Variants in ATM observed in about 807,000 individuals in gnomAD.
ATM encodes the protein serine-protein kinase ATM.
A neutral mutation model predicts 387.0 loss-of-function variants in ATM; 308 were observed. The ratio of observed to expected loss-of-function variants is 0.80; its 90% CI spans 0.73 to 0.87. ATM has a LOEUF of 0.87. Ranked by LOEUF, ATM falls within the 40% of genes least tolerant of loss-of-function variation. The pLI is 0.00. For synonymous variants in ATM, 1,156 were observed against 1,187.3 expected (o/e 0.97, Z 0.54); for missense variants, 3,312 against 3,560.9 (o/e 0.93, Z 1.78).
chr11:108,250,461 A>G (rs1159099875), intron 9 of ATM, among the ~76,000 whole-genome samples: 1 of 152,096 alleles, frequency 6.6e-6, no homozygotes, highest in African/African-American at 2.4e-5. Context: ...AATATCCTTT[A>G]AAATATTTGT....
At chr11:108,294,713 C>T (rs933500472) in intron 31 of ATM, among the ~76,000 whole-genome samples, 1 of 152,170 alleles carries the variant, frequency 6.6e-6, no homozygotes, top group African/African-American at 2.4e-5. Flanking sequence ...GCACTCTAGC[C>T]TTGGTGACAG....
At chr11:108,243,929 T>C in intron 5 of ATM, 24 bp from the exon 6 acceptor site, 2 of 1,501,144 alleles carry the variant, frequency 1.3e-6, no homozygotes, top group Non-Finnish European at 9.0e-7. Flanking sequence ...AAATCATGAC[T>C]AATAATTTTT....
chr11:108,323,839 T>C (rs1253188522), intron 45 of ATM, among the ~76,000 whole-genome samples: 1 of 152,202 alleles, frequency 6.6e-6, no homozygotes, highest in Non-Finnish European at 1.5e-5. Context: ...TCCATTCATA[T>C]ACATCAACCA....
At chr11:108,362,618 C>T (rs1306392039) in intron 61 of ATM, among the ~76,000 whole-genome samples, 1 of 149,072 alleles carries the variant, frequency 6.7e-6, no homozygotes, top group Non-Finnish European at 1.5e-5. Context: ...ACTATGCAGC[C>T]ATAAAAAATG....
At chr11:108,317,638 TATATATATATATATAC>T (rs1221133449) in intron 43 of ATM, 117 bp downstream of exon 43, 6 of 176,178 alleles carry the variant, frequency 3.4e-5, no homozygotes, top group South Asian at 1.4e-4. Context: ...TATATATATA[TATATATATATATATAC>T]ACACACACAC....
At position 108,268,612 on chromosome 11, in the gene ATM, G is replaced by C. The variant is rs2135527710; in HGVS notation, c.2838+3G>C. On this transcript the variant is annotated splice_donor_region_variant and intron_variant, in intron 18 of 62. Transcript: ENST00000675843. ...CCAAATCCCTCCACCTGCATATGGT[G>C]AGTTACGTTAAATGAAGAAGCTCTT... The C allele has an allele frequency of 6.2e-7, 1 of 1,613,342 alleles. No individual in the cohort carries two copies. The highest frequency in any genetic ancestry group is 2.2e-5 in the East Asian group (1 of 44,836).
intron 37 of ATM, among the ~76,000 whole-genome samples, chr11:108,307,180 C>T (rs931427046): frequency 1.3e-5 from 2 of 149,746 alleles, no homozygotes; most frequent in African/African-American, 4.9e-5. Flanking sequence ...GACAGAGTCT[C>T]GCTGTGTCAC....
At chr11:108,225,749 T>C (rs1408180567) in intron 1 of ATM, 1 of 152,224 alleles carries the variant, frequency 6.6e-6, no homozygotes, top group African/African-American at 2.4e-5. Flanking sequence ...GTGCTGGGAT[T>C]ACAGGCATGA....
chr11:108,244,009 G>GT lies in ATM; in HGVS notation c.557dup (p.Leu186PhefsTer4), dbSNP rs1591500005. 1 of 1,612,430 alleles carries GT rather than the reference G, an allele frequency of 6.2e-7. No individual in the cohort carries two copies. The highest frequency in any genetic ancestry group is 8.5e-7 in the Non-Finnish European group (1 of 1,179,440). On this transcript the variant is annotated frameshift_variant, in exon 6 of 63. Transcript: ENST00000675843. LOFTEE classifies it high-confidence loss of function. ...GAAACCTTCACAAGATGTTCATAGA[G>GT]TTTTAGTGGCTAGAATAATTCATGC...
At chr11:108,230,508 T>G (rs572877181) in intron 4 of ATM, 1 of 152,230 alleles carries the variant, frequency 6.6e-6, no homozygotes, top group Non-Finnish European at 1.5e-5. Context: ...TGTGACATCC[T>G]TAGAGATGTT....
In ATM at chr11:108,284,359, T is replaced by TA. The variant is rs1057516541; in HGVS notation, c.3880dup (p.Ile1294AsnfsTer8). 1 of 1,614,036 alleles carries TA rather than the reference T, an allele frequency of 6.2e-7. No homozygotes were observed. The highest frequency in any genetic ancestry group is 8.5e-7 in the Non-Finnish European group (1 of 1,179,958). On this transcript the variant is annotated frameshift_variant, in exon 26 of 63. Coordinates refer to ENST00000675843, the MANE Select transcript of ATM (RefSeq NM_000051.4). LOFTEE classifies it high-confidence loss of function. ...ACTGCTTTCCAAAGATTCTTGTAAA[T>TA]ATTCTTCCTTATTTTGCCTATGAGG...
At chr11:108,262,850 C>G (rs1273565488) in intron 16 of ATM, among the ~76,000 whole-genome samples, 2 of 146,432 alleles carry the variant, frequency 1.4e-5, no homozygotes, top group African/African-American at 5.0e-5. Context: ...TCTGATAAAA[C>G]AGACTTTAAA....
intron 22 of ATM, among the ~76,000 whole-genome samples, chr11:108,274,538 AGC>A (rs2081820605): frequency 6.6e-6 from 1 of 152,116 alleles, no homozygotes; most frequent in African/African-American, 2.4e-5. Flanking sequence ...ACACTGCTTT[AGC>A]TGTGTCCCAG....
intron 5 of ATM, among the ~76,000 whole-genome samples, chr11:108,238,490 ATT>A (rs2079409335): frequency 6.6e-6 from 1 of 152,154 alleles, no homozygotes; most frequent in South Asian, 2.1e-4. Flanking sequence ...AAACATAAAG[ATT>A]TTGTATATGT....
At chr11:108,288,319 C>T (rs1030815516) in intron 27 of ATM, among the ~76,000 whole-genome samples, 2 of 152,086 alleles carry the variant, frequency 1.3e-5, no homozygotes, top group Admixed American at 6.6e-5. Context: ...GAATGATTCC[C>T]CCGTGTTGGC....
chr11:108,348,230 A>T (rs1240679623), intron 59 of ATM, among the ~76,000 whole-genome samples: 1 of 151,924 alleles, frequency 6.6e-6, no homozygotes, highest in Non-Finnish European at 1.5e-5. Context: ...ATGTATATAT[A>T]TAGACAGTTT....
intron 34 of ATM, among the ~76,000 whole-genome samples, chr11:108,300,878 C>CTTTTT (rs11305754): frequency 2.9e-5 from 3 of 102,672 alleles, no homozygotes; most frequent in African/African-American, 6.8e-5. Flanking sequence ...TCATCTCTCT[C>CTTTTT]TTTTTTTTTT....
chr11:108,357,287 G>A (rs940915221), intron 61 of ATM, among the ~76,000 whole-genome samples: 4 of 152,336 alleles, frequency 2.6e-5, no homozygotes, highest in African/African-American at 9.6e-5. Context: ...CTGGCTTGGA[G>A]GGTCCTACGC....
intron 29 of ATM, among the ~76,000 whole-genome samples, chr11:108,290,974 G>A (rs912990213): frequency 2.3e-4 from 35 of 151,730 alleles, no homozygotes; most frequent in Admixed American, 1.4e-3. Flanking sequence ...AGTGGCTCAC[G>A]CCTGTAATCC....
Sources: allele counts gnomAD v4.1 joint callset (sites outside exome capture counted in the v4.1 genomes callset), GRCh38; gene constraint gnomAD v4.1.1; transcripts MANE v1.5; gene names NCBI Gene and HGNC (gene_info 2026-07-23, HGNC 2026-07-21).